Variants in TNRC6C observed in about 807,000 individuals in gnomAD.
The protein encoded by TNRC6C is trinucleotide repeat-containing gene 6C protein.
TNRC6C carries 20 observed loss-of-function variants against 153.7 expected under a neutral mutation model. That is an observed-to-expected ratio of 0.13 (90% CI 0.09 to 0.19). The LOEUF is 0.19. Ranked by LOEUF, TNRC6C falls within the 10% of genes least tolerant of loss-of-function variation. The pLI is 1.00. For synonymous variants in TNRC6C, 811 were observed against 841.4 expected (o/e 0.96, Z 0.63); for missense variants, 1,987 against 2,172.0 (o/e 0.91, Z 1.69).
intron 3 of TNRC6C, among the ~76,000 whole-genome samples, chr17:78,060,026 A>C (rs2072735786): frequency 1.3e-5 from 2 of 152,106 alleles, no homozygotes; most frequent in Non-Finnish European, 2.9e-5. Context: ...AAGCTGTTCT[A>C]AGGGAAGTTA....
At chr17:77,992,876 CA>C (rs1164793338) in intron 1 of TNRC6C, among the ~76,000 whole-genome samples, 1 of 152,106 alleles carries the variant, frequency 6.6e-6, no homozygotes, top group Non-Finnish European at 1.5e-5. Flanking sequence ...AATAACGTGG[CA>C]AATTTTAGGT....
chr17:78,037,428 G>T (rs2072201388), intron 2 of TNRC6C, among the ~76,000 whole-genome samples: 1 of 152,212 alleles, frequency 6.6e-6, no homozygotes, highest in Non-Finnish European at 1.5e-5. Flanking sequence ...TCAAGGTATT[G>T]TAACAGAGAT....
chr17:77,958,338 A>C (rs2070825969), upstream of TNRC6C, among the ~76,000 whole-genome samples: 1 of 151,814 alleles, frequency 6.6e-6, no homozygotes, highest in African/African-American at 2.4e-5. Context: ...ACACCACGCA[A>C]GTCTCCACGT....
intron 2 of TNRC6C, among the ~76,000 whole-genome samples, chr17:78,036,951 G>A (rs1233774679): frequency 6.6e-6 from 1 of 151,474 alleles, no homozygotes; most frequent in Non-Finnish European, 1.5e-5. Context: ...AGAAAGAATG[G>A]AAAGAGACTT....
Position 78,075,491 on chromosome 17 carries a change from T to G in TNRC6C, c.3060+213T>G. Reference sequence around the variant, plus strand: ...TACTGAGAATGAAAAAGACTGGGATTGAAAACTGATTTTCATATTTATTGT... The same window carrying G: ...TACTGAGAATGAAAAAGACTGGGATGGAAAACTGATTTTCATATTTATTGT... On this transcript the variant is annotated intron_variant, in intron 8 of 19. Transcript: ENST00000301624. This position sits in a 1 kb window ranked among gnomAD's most constrained non-coding sequence, Gnocchi z 4.2. The G allele has an allele frequency of 1.7e-6, 1 of 604,286 alleles. No individual in the cohort carries two copies. Among genetic ancestry groups the G allele is most frequent in the Non-Finnish European group, 2.7e-6 (1 of 364,388 alleles). 37.4% of individuals were successfully genotyped at this position (604,286 alleles called of 1,614,324 possible). A position where few individuals can be genotyped will look rare whatever the true frequency, so the allele number is the denominator to read the frequency against.
At chr17:78,040,095 G>C (rs1401347799) in intron 2 of TNRC6C, among the ~76,000 whole-genome samples, 1 of 152,156 alleles carries the variant, frequency 6.6e-6, no homozygotes. Flanking sequence ...TGAAACATTG[G>C]CCTTCTCATA....
At position 78,048,153 on chromosome 17, in the gene TNRC6C, ATT is replaced by A. The variant is rs61356080; in HGVS notation, c.-218-681_-218-680del. On this transcript the variant is annotated intron_variant, in intron 2 of 19. Transcript: ENST00000301624. The stretch of plus-strand genomic sequence containing the variant: ...TTTTAGTGATGTCCTTGAGCTACAG[ATT>A]TTTTTTTTTTATTATGAATGTGCAG... Among the ~76,000 whole-genome samples, 543 of 148,106 alleles carry A rather than the reference ATT, an allele frequency of 3.7e-3. 2 individuals are homozygous for A. Among genetic ancestry groups the A allele is most frequent in the African/African-American group, 0.012 (478 of 40,872 alleles).
At chr17:77,963,262 G>A (rs1401545368) in intron 1 of TNRC6C, among the ~76,000 whole-genome samples, 2 of 152,192 alleles carry the variant, frequency 1.3e-5, no homozygotes, top group African/African-American at 4.8e-5. Context: ...AATTGAAACT[G>A]AGAAATGTAT....
At chr17:78,031,117 A>G (rs78173077) in intron 1 of TNRC6C, among the ~76,000 whole-genome samples, 2,358 of 151,848 alleles carry the variant, frequency 0.016, 56 homozygotes, top group African/African-American at 0.055. Context: ...AAAAAAAAAA[A>G]GAAAGAAAGA....
intron 13 of TNRC6C, among the ~76,000 whole-genome samples, chr17:78,088,278 T>C (rs962899069): frequency 7.9e-5 from 12 of 152,218 alleles, no homozygotes; most frequent in African/African-American, 2.9e-4. Flanking sequence ...TGTGTCGAAG[T>C]AGGTAAGACC....
At chr17:77,998,495 G>T (rs570429413) in intron 1 of TNRC6C, among the ~76,000 whole-genome samples, 1 of 152,038 alleles carries the variant, frequency 6.6e-6, no homozygotes, top group African/African-American at 2.4e-5. Context: ...TTATCCTTCA[G>T]GTCCCCGAGG....
intron 13 of TNRC6C, 114 bp from the exon 16 acceptor site, chr17:78,091,326 C>CAA (rs60735984): frequency 0.025 from 26,226 of 1,039,574 alleles, 7 homozygotes; most frequent in Middle Eastern, 0.036. Context: ...GACTCCGTCT[C>CAA]AAAAAAAAAA....
intron 6 of TNRC6C, among the ~76,000 whole-genome samples, chr17:78,071,429 T>G (rs922342208): frequency 3.3e-5 from 5 of 152,172 alleles, no homozygotes; most frequent in Non-Finnish European, 5.9e-5. Context: ...AATGCTTTTT[T>G]TTTTTGGAGA....
intron 1 of TNRC6C, among the ~76,000 whole-genome samples, chr17:77,963,617 C>G (rs2070876912): frequency 6.6e-6 from 1 of 152,174 alleles, no homozygotes; most frequent in African/African-American, 2.4e-5. Flanking sequence ...GTGTGCAGAG[C>G]TAGACAATCT....
At chr17:77,964,652 T>TA (rs1415189436) in intron 1 of TNRC6C, among the ~76,000 whole-genome samples, 2 of 152,208 alleles carry the variant, frequency 1.3e-5, no homozygotes, top group Non-Finnish European at 2.9e-5. Flanking sequence ...AACTGGGAAT[T>TA]AAACTAAGAT....
intron 1 of TNRC6C, among the ~76,000 whole-genome samples, chr17:78,006,300 A>T (rs903250328): frequency 6.6e-6 from 1 of 152,080 alleles, no homozygotes; most frequent in Admixed American, 6.5e-5. Flanking sequence ...CAAAAAGGAC[A>T]TTTTTCTCTG....
At position 78,093,135 on chromosome 17, in the gene TNRC6C, G is replaced by A; in HGVS notation, c.4162+11G>A. 1 of 1,611,484 alleles carries A rather than the reference G, an allele frequency of 6.2e-7. No homozygotes were observed. The highest frequency in any genetic ancestry group is 1.1e-5 in the South Asian group (1 of 90,882). ...TCAACTGGCCCCCAGGTAAGACCATGCAACACTTCTGTGCAACAGCAGCAG... is the reference window on the plus strand; with the variant it reads ...TCAACTGGCCCCCAGGTAAGACCATACAACACTTCTGTGCAACAGCAGCAG... On this transcript the variant is annotated intron_variant, in intron 15 of 19. Transcript: ENST00000301624.
intron 1 of TNRC6C, among the ~76,000 whole-genome samples, chr17:77,975,785 A>G (rs2070989610): frequency 6.6e-6 from 1 of 152,236 alleles, no homozygotes; most frequent in Admixed American, 6.5e-5. Flanking sequence ...TTTTATCATT[A>G]CTTTATAAAG....
chr17:78,006,496 TTCTTCTTCTTCTTCTTC>T (rs2071502183), intron 1 of TNRC6C, among the ~76,000 whole-genome samples: 6 of 7,536 alleles, frequency 8.0e-4, no homozygotes, highest in African/African-American at 1.4e-3. Flanking sequence ...TTCTTCTTTC[TTCTTCTTCTTCTTCTTC>T]TTCTTCTTCT....
Sources: allele counts gnomAD v4.1 joint callset (sites outside exome capture counted in the v4.1 genomes callset), GRCh38; gene constraint gnomAD v4.1.1; non-coding constraint Gnocchi (gnomAD v3.1); transcripts MANE v1.5; gene names NCBI Gene and HGNC (gene_info 2026-07-23, HGNC 2026-07-21).